EBF1: variants seen among roughly 807,000 people sequenced by gnomAD.
EBF1 encodes the protein transcription factor COE1.
Under a neutral mutation model 68.4 loss-of-function variants are expected in EBF1, and 10 were observed. That is an observed-to-expected ratio of 0.15 (90% CI 0.09 to 0.25). EBF1 has a LOEUF of 0.25. Among genes scored for constraint, EBF1 ranks in the 10% least tolerant of loss-of-function variants. The pLI, the probability that EBF1 is intolerant of heterozygous loss-of-function variation, is 1.00. For missense variants in EBF1, 509 were observed against 794.4 expected (o/e 0.64, Z 4.32); for synonymous variants, 298 against 299.8 (o/e 0.99, Z 0.06).
intron 6 of EBF1, among the ~76,000 whole-genome samples, chr5:158,979,278 A>G (rs1757437099): frequency 6.6e-6 from 1 of 152,258 alleles, no homozygotes; most frequent in African/African-American, 2.4e-5. Flanking sequence ...ATTACACATT[A>G]TCTTAAAATT....
At chr5:158,810,518 G>C (rs191113359) in intron 8 of EBF1, among the ~76,000 whole-genome samples, 21 of 152,222 alleles carry the variant, frequency 1.4e-4, no homozygotes, top group Admixed American at 6.5e-4. Context: ...GAAGGGTTGA[G>C]AAGAGGCCTC....
chr5:158,777,577 A>T, intron 9 of EBF1, 38 bp from the exon 10 acceptor site: 1 of 1,572,978 alleles, frequency 6.4e-7, no homozygotes, highest in South Asian at 1.2e-5. Flanking sequence ...TGTCATTGCA[A>T]TAGTTAAAAC....
chr5:159,000,818 G>C (rs1192280490), intron 6 of EBF1, among the ~76,000 whole-genome samples: 2 of 152,090 alleles, frequency 1.3e-5, no homozygotes, highest in Admixed American at 1.3e-4. Flanking sequence ...ACAAAATGAT[G>C]ATGGGTAAAA....
At chr5:158,951,933 C>G (rs1816096614) in intron 6 of EBF1, among the ~76,000 whole-genome samples, 1 of 152,122 alleles carries the variant, frequency 6.6e-6, no homozygotes, top group East Asian at 1.9e-4. Flanking sequence ...GTCATCCCAC[C>G]CACTAAAAGA....
chr5:158,980,927 T>A (rs970168816), intron 6 of EBF1, among the ~76,000 whole-genome samples: 3 of 152,190 alleles, frequency 2.0e-5, no homozygotes, highest in Admixed American at 6.5e-5. Context: ...AGTTTCATAA[T>A]AAGGTTAAGG....
chr5:159,087,202 A>G (rs1472268527), intron 4 of EBF1, among the ~76,000 whole-genome samples: 1 of 150,984 alleles, frequency 6.6e-6, no homozygotes, highest in Non-Finnish European at 1.5e-5. Context: ...ATGCTAAGCT[A>G]AAAGAAGTAA....
intron 6 of EBF1, among the ~76,000 whole-genome samples, chr5:158,972,083 C>T (rs1194005155): frequency 6.6e-6 from 1 of 152,202 alleles, no homozygotes; most frequent in Non-Finnish European, 1.5e-5. Context: ...AATGAAACTT[C>T]AGCTTACACA....
chr5:158,711,415 C>CCT (rs1759254060), intron 14 of EBF1, among the ~76,000 whole-genome samples: 1 of 152,244 alleles, frequency 6.6e-6, no homozygotes, highest in South Asian at 2.1e-4. Flanking sequence ...ACTAAATGTG[C>CCT]CTCTATCCAT....
intron 6 of EBF1, among the ~76,000 whole-genome samples, chr5:159,021,260 C>A (rs538141360): frequency 2.6e-5 from 4 of 152,168 alleles, no homozygotes; most frequent in African/African-American, 9.6e-5. Flanking sequence ...TGCTACCAAC[C>A]TTGGAGGAAG....
At chr5:158,817,130 TCTC>T (rs1281513772) in intron 8 of EBF1, among the ~76,000 whole-genome samples, 1 of 151,968 alleles carries the variant, frequency 6.6e-6, no homozygotes, top group East Asian at 1.9e-4. Context: ...CCTAGTCTCA[TCTC>T]CTGCCACTCC....
intron 6 of EBF1, among the ~76,000 whole-genome samples, chr5:158,898,115 A>G (rs779940234): frequency 1.3e-5 from 2 of 152,180 alleles, no homozygotes; most frequent in African/African-American, 4.8e-5. Flanking sequence ...TTTTAAGTTT[A>G]CCCTTTGTCT....
intron 6 of EBF1, chr5:159,019,272 G>C (rs1766206818): frequency 6.6e-6 from 1 of 152,172 alleles, no homozygotes; most frequent in African/African-American, 2.4e-5. Flanking sequence ...CTAAATCTCT[G>C]TATAATTTCC....
chr5:158,931,764 G>T (rs768145979), intron 6 of EBF1, among the ~76,000 whole-genome samples: 1 of 152,092 alleles, frequency 6.6e-6, no homozygotes, highest in Admixed American at 6.5e-5. Flanking sequence ...AGAATATATA[G>T]AGAGAGGCAT....
chr5:158,907,488 A>G (rs1804907389), intron 6 of EBF1, among the ~76,000 whole-genome samples: 1 of 152,204 alleles, frequency 6.6e-6, no homozygotes, highest in Non-Finnish European at 1.5e-5. Context: ...GTAATTCTAT[A>G]ACACATTAAC....
chr5:158,890,596 A>AT (rs572491070), intron 6 of EBF1, among the ~76,000 whole-genome samples: 1 of 152,318 alleles, frequency 6.6e-6, no homozygotes, highest in South Asian at 2.1e-4. Context: ...CATTAGAGTA[A>AT]TTTCCTCCAG....
At chr5:158,981,305 G>A (rs957008318) in intron 6 of EBF1, among the ~76,000 whole-genome samples, 2 of 152,114 alleles carry the variant, frequency 1.3e-5, no homozygotes, top group Non-Finnish European at 2.9e-5. Context: ...TGTTTTCATG[G>A]GAGTTTAATC....
chr5:158,767,957 G>A (rs921504770), intron 10 of EBF1, among the ~76,000 whole-genome samples: 15 of 152,100 alleles, frequency 9.9e-5, no homozygotes, highest in Non-Finnish European at 2.9e-5. Context: ...AGTACAGCAC[G>A]TGGTGGGTCC....
In EBF1 at chr5:158,699,154, AAGAC is replaced by A. The variant is rs1379412835; in HGVS notation, c.1745-16_1745-13del. On this transcript the variant is annotated splice_polypyrimidine_tract_variant and intron_variant, in intron 15 of 15. Coordinates refer to ENST00000313708, the MANE Select transcript of EBF1 (RefSeq NM_024007.5). ...CATGCCAGATATCGCTATGAAAGAA[AAGAC>A]AGAAGTCAATGGTTTCTTTGCGTTC... 2 of 1,602,758 alleles carry A rather than the reference AAGAC, an allele frequency of 1.2e-6. No individual in the cohort carries two copies. The highest frequency in any genetic ancestry group is 8.5e-7 in the Non-Finnish European group (1 of 1,174,488).
chr5:158,697,737 C>T lies in EBF1; in HGVS notation c.*1374G>A, dbSNP rs1427164566. On this transcript the variant is annotated 3_prime_UTR_variant, in exon 16 of 16. Transcript: ENST00000313708. ...ACATTAAAATGTATAAATAGAACAA[C>T]AACTTTGGCAAAAAATCACAAAAAA... 9.7e-6 allele frequency: 2 copies of T among 206,436 alleles called. No individual in the cohort carries two copies. Among genetic ancestry groups the T allele is most frequent in the Non-Finnish European group, 9.8e-6 (1 of 101,698 alleles). 12.8% of individuals were successfully genotyped at this position (206,436 alleles called of 1,614,324 possible).
Sources: allele counts gnomAD v4.1 joint callset (sites outside exome capture counted in the v4.1 genomes callset), GRCh38; gene constraint gnomAD v4.1.1; transcripts MANE v1.5; gene names NCBI Gene and HGNC (gene_info 2026-07-23, HGNC 2026-07-21).